ATP8A2: variants seen among roughly 807,000 people sequenced by gnomAD.
The protein encoded by ATP8A2 is ATPase phospholipid transporting 8A2.
A neutral mutation model predicts 165.6 loss-of-function variants in ATP8A2; 100 were observed. That is an observed-to-expected ratio of 0.60 (90% CI 0.51 to 0.71). The LOEUF (loss-of-function observed/expected upper bound fraction) is 0.71, where lower values mean the gene tolerates loss of function less well. Among genes scored for constraint, ATP8A2 ranks in the 30% least tolerant of loss-of-function variants. ATP8A2 has a pLI of 0.00. For missense variants in ATP8A2, 1,227 were observed against 1,479.5 expected (o/e 0.83, Z 2.80); for synonymous variants, 543 against 548.8 (o/e 0.99, Z 0.15).
At chr13:25,742,618 G>A (rs905766720) in intron 25 of ATP8A2, among the ~76,000 whole-genome samples, 12 of 148,026 alleles carry the variant, frequency 8.1e-5, no homozygotes, top group Middle Eastern at 7.0e-3. Flanking sequence ...AAACATATTT[G>A]ACTTAATTAA....
intron 30 of ATP8A2, among the ~76,000 whole-genome samples, chr13:25,852,834 G>C (rs979562776): frequency 2.6e-5 from 4 of 151,700 alleles, no homozygotes; most frequent in Non-Finnish European, 4.4e-5. Flanking sequence ...TACCTGGGAG[G>C]TGGAGGTTGC....
At chr13:25,397,559 T>A (rs4769419) in intron 1 of ATP8A2, among the ~76,000 whole-genome samples, 9,490 of 152,198 alleles carry the variant, frequency 0.062, 398 homozygotes, top group Non-Finnish European at 0.097. Flanking sequence ...GGGACCCATT[T>A]TTCTCTTCAC....
intron 24 of ATP8A2, among the ~76,000 whole-genome samples, chr13:25,632,649 G>A (rs1259690115): frequency 1.3e-5 from 2 of 152,144 alleles, no homozygotes; most frequent in Non-Finnish European, 2.9e-5. Flanking sequence ...CTGGCCTTGC[G>A]TTAAATCCCT....
At chr13:25,517,637 T>A (rs148022086) in intron 2 of ATP8A2, among the ~76,000 whole-genome samples, 1 of 152,390 alleles carries the variant, frequency 6.6e-6, no homozygotes, top group East Asian at 1.9e-4. Context: ...GGATGTGTTT[T>A]GTGACAGATA....
intron 33 of ATP8A2, among the ~76,000 whole-genome samples, chr13:25,947,433 G>A (rs1955241233): frequency 6.7e-6 from 1 of 150,086 alleles, no homozygotes. Flanking sequence ...GCACTGGTGA[G>A]GCCCGCTGTG....
intron 25 of ATP8A2, among the ~76,000 whole-genome samples, chr13:25,767,514 T>C (rs1019936037): frequency 6.6e-6 from 1 of 152,256 alleles, no homozygotes; most frequent in African/African-American, 2.4e-5. Flanking sequence ...AAAGATGTGA[T>C]AGCTGTTTTT....
chr13:25,814,281 TATC>T (rs1326473105), intron 27 of ATP8A2, among the ~76,000 whole-genome samples: 4 of 152,200 alleles, frequency 2.6e-5, no homozygotes, highest in Non-Finnish European at 1.5e-5. Context: ...TATTTATCCT[TATC>T]ATTAAAAATT....
chr13:25,399,150 T>G (rs1196076901), intron 1 of ATP8A2, among the ~76,000 whole-genome samples: 1 of 152,050 alleles, frequency 6.6e-6, no homozygotes, highest in South Asian at 2.1e-4. Context: ...TACCACCCAG[T>G]GTGGGGACTG....
chr13:25,383,308 T>A lies in ATP8A2; in HGVS notation c.76+11020T>A, dbSNP rs561941766. On this transcript the variant is annotated intron_variant, in intron 1 of 36. Transcript: ENST00000381655. ...TTAGTAGAGACGGCGTTTCACCATGTTGGCCAGGATGGTCTCAATCTCCTG... is the reference window on the plus strand; with the variant it reads ...TTAGTAGAGACGGCGTTTCACCATGATGGCCAGGATGGTCTCAATCTCCTG... Among the ~76,000 whole-genome samples the A allele has an allele frequency of 2.0e-5, 3 of 152,168 alleles. No individual in the cohort carries two copies. The East Asian group carries it at 5.8e-4, about 29-fold the overall frequency.
At chr13:25,524,334 CA>C (rs1185057631) in intron 2 of ATP8A2, among the ~76,000 whole-genome samples, 3 of 152,122 alleles carry the variant, frequency 2.0e-5, no homozygotes, top group East Asian at 3.9e-4. Context: ...ATGCATTCTG[CA>C]GCAGTTGGGT....
intron 25 of ATP8A2, among the ~76,000 whole-genome samples, chr13:25,703,067 C>T (rs74723417): frequency 0.018 from 2,669 of 152,122 alleles, 79 homozygotes; most frequent in African/African-American, 0.061. Flanking sequence ...ATCTGGAGAA[C>T]TTTTTTGTTG....
At chr13:25,524,072 G>C (rs2037757025) in intron 2 of ATP8A2, among the ~76,000 whole-genome samples, 3 of 151,880 alleles carry the variant, frequency 2.0e-5, no homozygotes, top group African/African-American at 7.3e-5. Flanking sequence ...ATATCCATTT[G>C]TTTCAAGAAA....
chr13:25,557,229 T>C (rs2039007247), intron 13 of ATP8A2, among the ~76,000 whole-genome samples: 1 of 152,246 alleles, frequency 6.6e-6, no homozygotes, highest in Admixed American at 6.5e-5. Flanking sequence ...CAGGATGGAT[T>C]GTTATTACAG....
intron 24 of ATP8A2, among the ~76,000 whole-genome samples, chr13:25,685,740 G>A (rs1048644666): frequency 1.3e-5 from 2 of 152,174 alleles, no homozygotes; most frequent in African/African-American, 2.4e-5. Context: ...GGGGTGCTGG[G>A]CCTCGCTGGC....
chr13:25,408,551 C>T (rs1443122321), intron 1 of ATP8A2, among the ~76,000 whole-genome samples: 1 of 152,152 alleles, frequency 6.6e-6, no homozygotes, highest in Non-Finnish European at 1.5e-5. Context: ...TTTCTTCTGT[C>T]TTCTGTCAGT....
chr13:25,523,090 C>A (rs2037721997), intron 2 of ATP8A2, among the ~76,000 whole-genome samples: 1 of 151,472 alleles, frequency 6.6e-6, no homozygotes, highest in Admixed American at 6.6e-5. Context: ...TGCCGTCCAG[C>A]CTGGGCAACA....
intron 27 of ATP8A2, among the ~76,000 whole-genome samples, chr13:25,803,982 C>T (rs1950675200): frequency 6.6e-6 from 1 of 152,212 alleles, no homozygotes; most frequent in Non-Finnish European, 1.5e-5. Flanking sequence ...ACAAGAACTT[C>T]TGTTTTCTGT....
rs769253925 is a variant in ATP8A2, at chr13:25,959,043, T to A, written c.3184-2532T>A. 3.3e-5 allele frequency among the ~76,000 whole-genome samples: 5 copies of A among 152,216 alleles called. No individual in the cohort carries two copies. The South Asian group carries it at 6.2e-4, about 19-fold the overall frequency. On this transcript the variant is annotated intron_variant, in intron 33 of 36. Coordinates refer to ENST00000381655, the MANE Select transcript of ATP8A2 (RefSeq NM_016529.6). ...ATGATCCTGCATGTATCCCCACAAG[T>A]ACAGCTTGAACAAGTCCATCTTCCA...
intron 27 of ATP8A2, among the ~76,000 whole-genome samples, chr13:25,803,091 G>C (rs901450444): frequency 1.3e-5 from 2 of 151,880 alleles, no homozygotes; most frequent in African/African-American, 4.8e-5. Flanking sequence ...CCTGAAACCG[G>C]ACATTTTCTA....
Sources: gnomAD v4.1 joint callset for allele counts (sites outside exome capture counted in the v4.1 genomes callset) on GRCh38, gnomAD v4.1.1 for gene constraint, MANE v1.5 for transcripts, NCBI Gene and HGNC (gene_info 2026-07-23, HGNC 2026-07-21) for gene names.